GLUD1: variants seen among roughly 807,000 people sequenced by gnomAD.
The protein encoded by GLUD1 is glutamate dehydrogenase 1, also known as glutamate dehydrogenase 1, mitochondrial.
Under a neutral mutation model 56.0 loss-of-function variants are expected in GLUD1, and 22 were observed. That is an observed-to-expected ratio of 0.39 (90% confidence interval 0.28 to 0.56). GLUD1 has a LOEUF of 0.56. GLUD1 is among the 20% of genes least tolerant of loss of function. The pLI is 0.58. For missense variants in GLUD1, 451 were observed against 732.0 expected (o/e 0.62, Z 4.43); for synonymous variants, 223 against 269.9 (o/e 0.83, Z 1.70).
At chr10:87,080,265 A>G (rs1841181362) in intron 1 of GLUD1, among the ~76,000 whole-genome samples, 1 of 151,902 alleles carries the variant, frequency 6.6e-6, no homozygotes, top group African/African-American at 2.4e-5. Flanking sequence ...GCTGGAGTGC[A>G]GTGGCGTGAT....
At chr10:87,086,059 A>G (rs1172999176) in intron 1 of GLUD1, among the ~76,000 whole-genome samples, 1 of 152,238 alleles carries the variant, frequency 6.6e-6, no homozygotes, top group Non-Finnish European at 1.5e-5. Flanking sequence ...CCAGTTTCAT[A>G]TAAATTATTT....
At chr10:87,059,125 G>C in intron 10 of GLUD1, 25 bp downstream of exon 10, 4 of 1,611,752 alleles carry the variant, frequency 2.5e-6, no homozygotes, top group Non-Finnish European at 3.4e-6. Flanking sequence ...GATGAGTTTT[G>C]GCGAACAAGA....
At position 87,060,410 on chromosome 10, in the gene GLUD1, A is replaced by G; in HGVS notation, c.1198-169T>C. On this transcript the variant is annotated intron_variant, in intron 8 of 12. Transcript: ENST00000277865. ...TGCCAAGTGTATAAAACTACCTTTC[A>G]CTTTTCTATTTATCTAGGTTTTTTT... 5.9e-6 allele frequency: 4 copies of G among 677,660 alleles called. No individual in the cohort carries two copies. In the South Asian group the frequency reaches 6.7e-5, roughly 11 times the overall value. The allele number at this position is 677,660 out of a possible 1,614,324, so 42.0% of individuals were successfully genotyped here.
At chr10:87,081,138 C>T (rs1271446589) in intron 1 of GLUD1, among the ~76,000 whole-genome samples, 1 of 146,622 alleles carries the variant, frequency 6.8e-6, no homozygotes, top group Non-Finnish European at 1.5e-5. Flanking sequence ...CCGGCCGCCC[C>T]TACTGGGAAG....
chr10:87,085,408 C>T (rs968954362), intron 1 of GLUD1, among the ~76,000 whole-genome samples: 1 of 150,418 alleles, frequency 6.6e-6, no homozygotes, highest in African/African-American at 2.4e-5. Context: ...CATCAATGTA[C>T]TGTTTTGTAT....
chr10:87,063,201 G>A (rs1329571780), intron 5 of GLUD1, among the ~76,000 whole-genome samples: 1 of 152,034 alleles, frequency 6.6e-6, no homozygotes. Flanking sequence ...AGCCTCCTGA[G>A]TAGCTGGTAT....
At position 87,056,018 on chromosome 10, in the gene GLUD1, A is replaced by G. The variant is rs1193823929; in HGVS notation, c.1494+1673T>C. 3.4e-5 allele frequency among the ~76,000 whole-genome samples: 5 copies of G among 147,666 alleles called. No homozygotes were observed. The Admixed American group carries it at 3.4e-4, about 10-fold the overall frequency. ...GTAATCCCAGCTACTCAGGAGGCTA[A>G]GGCAGGAGAATTGCTTGAACCTGGG... is the stretch of plus-strand genomic sequence containing the variant. On this transcript the variant is annotated intron_variant, in intron 11 of 12. Coordinates refer to ENST00000277865, the MANE Select transcript of GLUD1 (RefSeq NM_005271.5).
chr10:87,054,640 C>T (rs748986070), intron 11 of GLUD1, among the ~76,000 whole-genome samples: 7 of 152,004 alleles, frequency 4.6e-5, no homozygotes, highest in Non-Finnish European at 8.8e-5. Flanking sequence ...GAATTGGAGG[C>T]TGAGTATATA....
At chr10:87,076,172 G>A (rs149826733) in intron 2 of GLUD1, 149 bp from the exon 3 acceptor site, 3 of 709,504 alleles carry the variant, frequency 4.2e-6, no homozygotes, top group African/African-American at 3.6e-5. Flanking sequence ...TTTCTAAACT[G>A]TACTTTAAAC....
Position 87,050,819 on chromosome 10 carries a change from G to A in GLUD1, c.*932C>T, listed in dbSNP as rs575571072. On this transcript the variant is annotated 3_prime_UTR_variant, in exon 13 of 13. Coordinates refer to ENST00000277865, the MANE Select transcript of GLUD1 (RefSeq NM_005271.5). ...GAGCCAGCCAGACTCCAAACAGGGA[G>A]CCCAAGTGGTTTTTTTCTGGGACAC... is the stretch of plus-strand genomic sequence containing the variant. The A allele has an allele frequency of 9.2e-5, 14 of 152,324 alleles. No homozygotes were observed. The East Asian group carries it at 2.7e-3, about 29-fold the overall frequency. 9.4% of individuals were successfully genotyped at this position (152,324 alleles called of 1,614,324 possible).
At chr10:87,073,525 T>C (rs1846297062) in intron 4 of GLUD1, among the ~76,000 whole-genome samples, 1 of 152,106 alleles carries the variant, frequency 6.6e-6, no homozygotes, top group Non-Finnish European at 1.5e-5. Flanking sequence ...ATACACTTTA[T>C]TTTCTATTTA....
intron 8 of GLUD1, 84 bp downstream of exon 8, chr10:87,060,604 A>T: frequency 6.5e-7 from 1 of 1,537,010 alleles, no homozygotes; most frequent in Non-Finnish European, 9.0e-7. Context: ...AAAAAGAAAG[A>T]GAAAACTCAA....
intron 1 of GLUD1, among the ~76,000 whole-genome samples, chr10:87,077,491 T>C (rs1362288538): frequency 6.6e-6 from 1 of 151,348 alleles, no homozygotes; most frequent in Non-Finnish European, 1.5e-5. Flanking sequence ...CCATTTTCCC[T>C]TTCTGAGGTT....
intron 1 of GLUD1, among the ~76,000 whole-genome samples, chr10:87,081,762 G>C (rs1841261154): frequency 1.3e-5 from 2 of 151,570 alleles, no homozygotes; most frequent in Admixed American, 6.6e-5. Flanking sequence ...TGCTCGTTAA[G>C]AGTCATCACC....
Position 87,059,048 on chromosome 10 carries a change from C to T in GLUD1, c.1402+102G>A, listed in dbSNP as rs1199199199. 7.6e-6 allele frequency: 10 copies of T among 1,323,902 alleles called. No individual in the cohort carries two copies. In the East Asian group the frequency reaches 1.8e-4, roughly 24 times the overall value. 82.0% of individuals were successfully genotyped at this position (1,323,902 alleles called of 1,614,324 possible). On this transcript the variant is annotated intron_variant, in intron 10 of 12. Coordinates refer to ENST00000277865, the MANE Select transcript of GLUD1 (RefSeq NM_005271.5). ...AAATATTATTTTCTTTTCTGAGACT[C>T]AATTCTTTCCCAAAGGGATCAGTTC...
At chr10:87,087,385 T>C (rs1841408262) in intron 1 of GLUD1, among the ~76,000 whole-genome samples, 1 of 152,194 alleles carries the variant, frequency 6.6e-6, no homozygotes, top group Non-Finnish European at 1.5e-5. Flanking sequence ...TATGAGGGCA[T>C]GACTGATTGC....
At position 87,052,669 on chromosome 10, in the gene GLUD1, CAAAAAAAAAAA is replaced by C. The variant is rs751155208; in HGVS notation, c.1557+662_1557+672del. 1.9e-4 allele frequency among the ~76,000 whole-genome samples: 8 copies of C among 41,746 alleles called. No homozygotes were observed. In the East Asian group the frequency reaches 6.4e-3, roughly 33 times the overall value. The allele number at this position is 41,746 out of a possible 152,430, so 27.4% of individuals were successfully genotyped here. On this transcript the variant is annotated intron_variant, in intron 12 of 12. Transcript: ENST00000277865. ...TGGGCAACAGGGCAAAACTCCGTCT[CAAAAAAAAAAA>C]AAAAAAAAAAAAAAAGGGAGTGATG...
intron 1 of GLUD1, chr10:87,089,755 T>G (rs1841468579): frequency 2.1e-6 from 2 of 969,250 alleles, no homozygotes; most frequent in Admixed American, 1.2e-4. Flanking sequence ...TCCGACTTGA[T>G]AGTGAACACT....
intron 1 of GLUD1, among the ~76,000 whole-genome samples, chr10:87,084,659 T>G (rs1841340345): frequency 6.6e-6 from 1 of 152,220 alleles, no homozygotes; most frequent in Non-Finnish European, 1.5e-5. Context: ...TGAACCTGGT[T>G]CTCTTAATAG....
Sources: allele counts gnomAD v4.1 joint callset (sites outside exome capture counted in the v4.1 genomes callset), GRCh38; gene constraint gnomAD v4.1.1; transcripts MANE v1.5; gene names NCBI Gene and HGNC (gene_info 2026-07-23, HGNC 2026-07-21).